CWF19L2: variants seen among roughly 807,000 people sequenced by gnomAD.
CWF19L2 encodes the protein CWF19-like protein 2.
CWF19L2 carries 98 observed loss-of-function variants against 111.7 expected under a neutral mutation model. The ratio of observed to expected loss-of-function variants is 0.88; its 90% CI spans 0.75 to 1.04. The LOEUF is 1.04. Among genes scored for constraint, CWF19L2 ranks in the 50% least tolerant of loss-of-function variants. The pLI is 0.00. For missense variants in CWF19L2, 1,101 were observed against 1,051.4 expected, an observed-to-expected ratio of 1.05 and a Z score of -0.65; for synonymous variants, 351 against 342.9, an observed-to-expected ratio of 1.02 and a Z score of -0.26.
chr11:107,359,914 G>T (rs1160123779), intron 12 of CWF19L2, among the ~76,000 whole-genome samples: 1 of 152,218 alleles, frequency 6.6e-6, no homozygotes, highest in African/African-American at 2.4e-5. Flanking sequence ...CCTATCAAGG[G>T]CAAATTGGAT....
intron 8 of CWF19L2, among the ~76,000 whole-genome samples, chr11:107,427,468 T>A (rs1257132481): frequency 6.6e-6 from 1 of 152,110 alleles, no homozygotes. Flanking sequence ...TATTATAGTG[T>A]ATCTATCAGA....
chr11:107,338,366 A>C (rs1034952576), intron 14 of CWF19L2, among the ~76,000 whole-genome samples: 25 of 152,152 alleles, frequency 1.6e-4, no homozygotes, highest in African/African-American at 4.8e-4. Flanking sequence ...CATGAATAGA[A>C]CCATGTAATC....
At chr11:107,347,954 T>C (rs1860105215) in intron 14 of CWF19L2, among the ~76,000 whole-genome samples, 1 of 152,124 alleles carries the variant, frequency 6.6e-6, no homozygotes, top group Admixed American at 6.6e-5. Context: ...TCTAAAATAA[T>C]TCTAAGAACT....
intron 8 of CWF19L2, among the ~76,000 whole-genome samples, chr11:107,426,321 T>C (rs998403206): frequency 4.6e-5 from 7 of 151,746 alleles, no homozygotes; most frequent in Non-Finnish European, 8.9e-5. Context: ...ATGGCAAAGA[T>C]TTAAAAAGTT....
Position 107,440,158 on chromosome 11 carries a change from G to C in CWF19L2, c.571-975C>G, listed in dbSNP as rs75823188. ...ATAGGTATGTGAGATCAAAGTAAAG[G>C]GTGCTAAAGAACTACATACTAATGA... On this transcript the variant is annotated intron_variant, in intron 5 of 17. Coordinates refer to ENST00000282251, the MANE Select transcript of CWF19L2 (RefSeq NM_152434.3). Among the ~76,000 whole-genome samples, 347 of 152,206 alleles carry C rather than the reference G, an allele frequency of 2.3e-3. 13 individuals are homozygous for C. In the East Asian group the frequency reaches 0.06, roughly 26 times the overall value.
At chr11:107,391,648 T>C (rs554602980) in intron 11 of CWF19L2, among the ~76,000 whole-genome samples, 1 of 152,342 alleles carries the variant, frequency 6.6e-6, no homozygotes, top group South Asian at 2.1e-4. Context: ...TACTGTTTAT[T>C]TCCTCTCAAA....
rs1486079666 is a variant in CWF19L2, at chr11:107,353,635, C to T, written c.1974G>A (p.Arg658=). 1.2e-6 allele frequency: 2 copies of T among 1,613,666 alleles called. No homozygotes were observed. The highest frequency in any genetic ancestry group is 1.7e-6 in the Non-Finnish European group (2 of 1,179,762). Residue 658 remains arginine, a synonymous_variant, in exon 13 of 18, where the codon AGG becomes AGA. Coordinates refer to ENST00000282251, the MANE Select transcript of CWF19L2 (RefSeq NM_152434.3). The stretch of plus-strand genomic sequence containing the variant: ...TCCGATGCTCAGCAATAGCTTTTTT[C>T]CTTTGGTTCTCTTCCTCTTCACCAA... ...ERLGEEEENQ[R]KKAIAEHRSL...
At chr11:107,410,275 T>C (rs1861137985) in intron 10 of CWF19L2, among the ~76,000 whole-genome samples, 1 of 151,440 alleles carries the variant, frequency 6.6e-6, no homozygotes, top group Non-Finnish European at 1.5e-5. Flanking sequence ...TATTCCACTC[T>C]GATTTCTAAA....
chr11:107,442,450 G>A (rs991740439), intron 4 of CWF19L2, among the ~76,000 whole-genome samples: 3 of 151,856 alleles, frequency 2.0e-5, no homozygotes, highest in African/African-American at 7.3e-5. Flanking sequence ...GGGAGGCTGA[G>A]GTGGAAGGAT....
intron 14 of CWF19L2, among the ~76,000 whole-genome samples, chr11:107,347,782 C>T (rs1329349054): frequency 6.6e-6 from 1 of 151,708 alleles, no homozygotes; most frequent in African/African-American, 2.4e-5. Flanking sequence ...AAATCTTCAT[C>T]CACTTAAACT....
chr11:107,416,341 TAATTC>T, intron 9 of CWF19L2, 43 bp from the exon 10 acceptor site: 2 of 865,340 alleles, frequency 2.3e-6, no homozygotes, highest in Non-Finnish European at 3.4e-6. Flanking sequence ...ATATGTAGTT[TAATTC>T]TTTACGACAA....
chr11:107,337,639 G>C (rs995885521), intron 14 of CWF19L2, among the ~76,000 whole-genome samples: 1 of 152,140 alleles, frequency 6.6e-6, no homozygotes, highest in African/African-American at 2.4e-5. Flanking sequence ...TTCTGGATGA[G>C]CGCGGTGGCT....
chr11:107,398,846 C>T (rs1395766228), intron 10 of CWF19L2, among the ~76,000 whole-genome samples: 7 of 152,142 alleles, frequency 4.6e-5, no homozygotes, highest in African/African-American at 1.2e-4. Flanking sequence ...TCAGCGGAAA[C>T]CCTATAAGCT....
chr11:107,349,569 C>T (rs1396977063), intron 13 of CWF19L2, among the ~76,000 whole-genome samples: 1 of 151,516 alleles, frequency 6.6e-6, no homozygotes, highest in Admixed American at 6.6e-5. Flanking sequence ...TGTGTATTTA[C>T]ATACATGTAT....
intron 14 of CWF19L2, among the ~76,000 whole-genome samples, chr11:107,339,289 T>C (rs1381566348): frequency 6.6e-6 from 1 of 152,182 alleles, no homozygotes; most frequent in African/African-American, 2.4e-5. Context: ...AAAGCTGCTA[T>C]GAACATTTGT....
Position 107,348,920 on chromosome 11 carries a change from A to C in CWF19L2, c.2202+17T>G, listed in dbSNP as rs367861452. 421 of 1,423,170 alleles carry C rather than the reference A, an allele frequency of 3.0e-4. 1 individual carries two copies. The highest frequency in any genetic ancestry group is 3.8e-4 in the Non-Finnish European group (390 of 1,024,280). 88.2% of individuals were successfully genotyped at this position (1,423,170 alleles called of 1,614,324 possible). ...CTCATGAGTTTTAAAATGATAATGA[A>C]CATTTATTATGCTGACCTGGATCTC... On this transcript the variant is annotated intron_variant, in intron 14 of 17. Transcript: ENST00000282251.
intron 12 of CWF19L2, among the ~76,000 whole-genome samples, chr11:107,363,453 A>G (rs1355868537): frequency 6.6e-6 from 1 of 152,046 alleles, no homozygotes; most frequent in Non-Finnish European, 1.5e-5. Flanking sequence ...AGGGAAGCCC[A>G]TCAGACTACC....
intron 14 of CWF19L2, among the ~76,000 whole-genome samples, chr11:107,347,472 A>G (rs12276790): frequency 0.033 from 5,015 of 152,328 alleles, 258 homozygotes; most frequent in African/African-American, 0.11. Context: ...TCATCAAGCT[A>G]GGATTCAAAT....
chr11:107,412,592 C>T (rs984664300), intron 10 of CWF19L2, among the ~76,000 whole-genome samples: 8 of 152,188 alleles, frequency 5.3e-5, no homozygotes, highest in African/African-American at 1.9e-4. Context: ...CTGCCCATCT[C>T]AGCCTCCCAA....
Sources: gnomAD v4.1 joint callset for allele counts (sites outside exome capture counted in the v4.1 genomes callset) on GRCh38, gnomAD v4.1.1 for gene constraint, MANE v1.5 for transcripts, NCBI Gene and HGNC (gene_info 2026-07-23, HGNC 2026-07-21) for gene names.